GPC5: variants seen among roughly 807,000 people sequenced by gnomAD.
The protein encoded by GPC5 is glypican 5.
Under a neutral mutation model 53.9 loss-of-function variants are expected in GPC5, and 47 were observed. The ratio of observed to expected loss-of-function variants is 0.87; its 90% CI spans 0.69 to 1.11. The LOEUF (loss-of-function observed/expected upper bound fraction) is 1.11. Among genes scored for constraint, GPC5 ranks in the 50% most tolerant of loss-of-function variants. GPC5 has a pLI of 0.00. For missense variants in GPC5, 748 were observed against 713.1 expected, an observed-to-expected ratio of 1.05 and a Z score of -0.56; for synonymous variants, 286 against 263.3, an observed-to-expected ratio of 1.09 and a Z score of -0.84.
At chr13:91,883,222 A>G (rs1225189787) in intron 5 of GPC5, among the ~76,000 whole-genome samples, 1 of 152,094 alleles carries the variant, frequency 6.6e-6, no homozygotes, top group Non-Finnish European at 1.5e-5. Flanking sequence ...CACACAGTAA[A>G]CTTCTTATAT....
intron 2 of GPC5, among the ~76,000 whole-genome samples, chr13:91,558,217 A>C (rs1164751004): frequency 6.6e-6 from 1 of 152,050 alleles, no homozygotes; most frequent in African/African-American, 2.4e-5. Context: ...ACTCTTGGTA[A>C]GTACCATGTG....
At chr13:92,835,075 C>T (rs559134645) in intron 7 of GPC5, among the ~76,000 whole-genome samples, 16 of 152,066 alleles carry the variant, frequency 1.1e-4, no homozygotes, top group Non-Finnish European at 2.1e-4. Context: ...AATTTTTACT[C>T]ACCAAATGAG....
At chr13:91,708,787 T>C (rs1301392052) in intron 3 of GPC5, among the ~76,000 whole-genome samples, 1 of 152,200 alleles carries the variant, frequency 6.6e-6, no homozygotes, top group Non-Finnish European at 1.5e-5. Context: ...AATTTCTATG[T>C]GTGGGTTTGT....
In GPC5 at chr13:91,852,812, G is replaced by T. The variant is rs142174515; in HGVS notation, c.1281-55125G>T. ...CCCACTGTGGTATATGTGATCCATT[G>T]TTAGCCAAACATTGTTATGTGGAGC... On this transcript the variant is annotated intron_variant, in intron 5 of 7. Transcript: ENST00000377067. Among the ~76,000 whole-genome samples, 9 of 152,218 alleles carry T rather than the reference G, an allele frequency of 5.9e-5. No homozygotes were observed. The East Asian group carries it at 1.7e-3, about 29-fold the overall frequency.
intron 7 of GPC5, among the ~76,000 whole-genome samples, chr13:92,182,360 TATA>T (rs1464865048): frequency 6.6e-6 from 1 of 152,176 alleles, no homozygotes; most frequent in Non-Finnish European, 1.5e-5. Flanking sequence ...ATGTTCAAAA[TATA>T]ATCCACTTTT....
chr13:92,745,679 T>G (rs1244059247), intron 7 of GPC5, among the ~76,000 whole-genome samples: 15 of 152,128 alleles, frequency 9.9e-5, no homozygotes, highest in Non-Finnish European at 2.1e-4. Flanking sequence ...TATAAGGTTC[T>G]TAGCTCTTGG....
chr13:92,346,096 G>A (rs904072611), intron 7 of GPC5, among the ~76,000 whole-genome samples: 6 of 152,122 alleles, frequency 3.9e-5, no homozygotes, highest in Non-Finnish European at 7.3e-5. Context: ...ATACATTTTG[G>A]GGAAGTATAG....
chr13:92,192,216 C>A (rs1308484780), intron 7 of GPC5, among the ~76,000 whole-genome samples: 1 of 152,020 alleles, frequency 6.6e-6, no homozygotes, highest in Non-Finnish European at 1.5e-5. Context: ...CAAGAGCAAA[C>A]CCTAATGTCA....
At chr13:91,530,750 T>C (rs1886304698) in intron 2 of GPC5, among the ~76,000 whole-genome samples, 1 of 152,210 alleles carries the variant, frequency 6.6e-6, no homozygotes, top group Non-Finnish European at 1.5e-5. Context: ...GAGCGAGATA[T>C]TGGAATATTT....
intron 7 of GPC5, among the ~76,000 whole-genome samples, chr13:92,338,875 C>T (rs961536702): frequency 3.3e-5 from 5 of 151,950 alleles, no homozygotes; most frequent in African/African-American, 9.7e-5. Flanking sequence ...TAAATCCTAA[C>T]GTAAACTCTG....
chr13:92,702,849 G>GACTT (rs1465437210), intron 7 of GPC5, among the ~76,000 whole-genome samples: 1 of 151,708 alleles, frequency 6.6e-6, no homozygotes, highest in Non-Finnish European at 1.5e-5. Flanking sequence ...CTCCCTCCAT[G>GACTT]ACTTCCCCCT....
chr13:92,161,188 A>AATGAC (rs2041985515), intron 7 of GPC5, among the ~76,000 whole-genome samples: 1 of 152,178 alleles, frequency 6.6e-6, no homozygotes, highest in East Asian at 1.9e-4. Context: ...ACATCGGATT[A>AATGAC]ATCTCTGTGC....
At chr13:92,358,069 G>C (rs185397240) in intron 7 of GPC5, among the ~76,000 whole-genome samples, 1 of 151,672 alleles carries the variant, frequency 6.6e-6, no homozygotes, top group African/African-American at 2.4e-5. Context: ...CTGTGAGCCT[G>C]TAAAATCAAA....
intron 5 of GPC5, among the ~76,000 whole-genome samples, chr13:91,864,987 C>A (rs2039068558): frequency 2.0e-5 from 3 of 151,576 alleles, no homozygotes; most frequent in Admixed American, 6.6e-5. Flanking sequence ...TCACTGCAAC[C>A]TCTGCCTCCC....
At chr13:92,675,387 T>G (rs1375507373) in intron 7 of GPC5, among the ~76,000 whole-genome samples, 1 of 152,146 alleles carries the variant, frequency 6.6e-6, no homozygotes, top group Non-Finnish European at 1.5e-5. Context: ...GCTTCATAGC[T>G]AAACTCTGTT....
intron 6 of GPC5, among the ~76,000 whole-genome samples, chr13:92,053,707 A>T (rs1010537203): frequency 2.0e-5 from 3 of 151,960 alleles, no homozygotes; most frequent in African/African-American, 7.2e-5. Context: ...TATTACTTTG[A>T]TATGTGTTCA....
At chr13:91,432,203 CTGTGTGTGTGTGTGTGTGTGTGTG>C (rs757953581) in intron 1 of GPC5, among the ~76,000 whole-genome samples, 1 of 136,354 alleles carries the variant, frequency 7.3e-6, no homozygotes, top group Admixed American at 7.4e-5. Context: ...GCTGCTGCTG[CTGTGTGTGTGTGTGTGTGTGTGTG>C]TGTGTGTGTG....
intron 6 of GPC5, among the ~76,000 whole-genome samples, chr13:92,040,785 T>TG (rs1486941783): frequency 6.6e-6 from 1 of 152,208 alleles, no homozygotes; most frequent in East Asian, 1.9e-4. Context: ...TTGAAGTGTT[T>TG]GGGGTCTTTA....
chr13:91,977,721 C>T (rs1228328025), intron 6 of GPC5, among the ~76,000 whole-genome samples: 2 of 152,148 alleles, frequency 1.3e-5, no homozygotes, highest in African/African-American at 4.8e-5. Context: ...GAATTCTATG[C>T]AAACATACTT....
Sources: allele counts gnomAD v4.1 joint callset (sites outside exome capture counted in the v4.1 genomes callset), GRCh38; gene constraint gnomAD v4.1.1; transcripts MANE v1.5; gene names NCBI Gene and HGNC (gene_info 2026-07-23, HGNC 2026-07-21).